The following ADAM9 variants were observed in gnomAD, a reference collection of about 807,000 sequenced individuals.
ADAM9 encodes ADAM metallopeptidase domain 9.
In ADAM9, 54 loss-of-function variants were observed where a neutral mutation model predicts 108.1. The ratio of observed to expected loss-of-function variants is 0.50; its 90% CI spans 0.40 to 0.63. ADAM9 has a LOEUF of 0.63. ADAM9 is among the 20% of genes least tolerant of loss of function. The probability of loss-of-function intolerance (pLI) is 0.00; values close to 1 mark genes in which losing one functional copy is unlikely to be tolerated. For synonymous variants in ADAM9, 316 were observed against 336.0 expected (o/e 0.94, Z 0.65); for missense variants, 830 against 997.7 (o/e 0.83, Z 2.26).
intron 2 of ADAM9, among the ~76,000 whole-genome samples, chr8:39,009,862 G>T (rs1235351780): frequency 7.8e-6 from 1 of 127,980 alleles, no homozygotes; most frequent in African/African-American, 3.0e-5. Context: ...CATGAATGCA[G>T]TCTTGTATTC....
rs906110331 is a variant in ADAM9 at position 39,101,789 on chromosome 8, G to A, written c.2299-74G>A. The A allele has an allele frequency of 3.4e-6, 4 of 1,169,042 alleles. No homozygotes were observed. In the Middle Eastern group the frequency reaches 5.9e-4, roughly 171 times the overall value. The allele number at this position is 1,169,042 out of a possible 1,614,324, so 72.4% of individuals were successfully genotyped here. A position where few individuals can be genotyped will look rare whatever the true frequency, so the allele number is the denominator to read the frequency against. On this transcript the variant is annotated intron_variant, in intron 20 of 21. Coordinates refer to ENST00000487273, the MANE Select transcript of ADAM9 (RefSeq NM_003816.3). ...TAGTCTGTTTATTGATTTTAAATAT[G>A]TAGATTTCTTCTATTTAGAAATCAT... is the stretch of plus-strand genomic sequence containing the variant.
chr8:39,002,708 A>G (rs1029251571), intron 1 of ADAM9, among the ~76,000 whole-genome samples: 2 of 152,232 alleles, frequency 1.3e-5, no homozygotes, highest in African/African-American at 4.8e-5. Flanking sequence ...AAAACACACT[A>G]CAGTGTATAG....
In ADAM9 at chr8:39,103,726, G is replaced by T; in HGVS notation, c.*26G>T. ...TTTTTTTAACCTTCTTTTTGCAAAT[G>T]TCTTCAGGGAACTGAGCTAATACTT... On this transcript the variant is annotated 3_prime_UTR_variant, in exon 22 of 22. Coordinates refer to ENST00000487273, the MANE Select transcript of ADAM9 (RefSeq NM_003816.3). 6.3e-7 allele frequency: 1 copy of T among 1,595,708 alleles called. No individual in the cohort carries two copies. The highest frequency in any genetic ancestry group is 8.6e-7 in the Non-Finnish European group (1 of 1,163,884).
At position 39,018,887 on chromosome 8, in the gene ADAM9, T is replaced by C; in HGVS notation, c.641T>C (p.Val214Ala). The change falls in exon 7 of 22, where the codon GTG (valine) becomes GCG (alanine). Residue 214 changes from valine (V) to alanine (A), a missense_variant. Physicochemically the swap from Val to Ala is moderately conservative, Grantham distance 64. Coordinates refer to ENST00000487273, the MANE Select transcript of ADAM9 (RefSeq NM_003816.3). ...RRAVLPQTRY[V>A]ELFIVVDKER... is the part of the protein sequence containing the mutation. ...GCTGTCTTGCCACAGACCCGGTATGTGGAGCTGTTCATTGTCGTAGACAAG... is the reference window on the plus strand; with the variant it reads ...GCTGTCTTGCCACAGACCCGGTATGCGGAGCTGTTCATTGTCGTAGACAAG... The C allele has an allele frequency of 6.2e-7, 1 of 1,613,568 alleles. No individual in the cohort carries two copies. Among genetic ancestry groups the C allele is most frequent in the Admixed American group, 1.7e-5 (1 of 60,024 alleles).
chr8:39,053,356 G>C (rs751132355), intron 12 of ADAM9, among the ~76,000 whole-genome samples: 17 of 151,944 alleles, frequency 1.1e-4, no homozygotes, highest in Middle Eastern at 3.2e-3. Context: ...TAATTTTATC[G>C]GTTGTTCTTT....
intron 15 of ADAM9, among the ~76,000 whole-genome samples, chr8:39,074,475 A>T (rs1396568327): frequency 3.9e-5 from 6 of 152,260 alleles, no homozygotes. Context: ...ATTTTGCTGA[A>T]CCATTTTAAG....
At chr8:39,061,481 G>C (rs1023491874) in intron 14 of ADAM9, among the ~76,000 whole-genome samples, 1 of 152,162 alleles carries the variant, frequency 6.6e-6, no homozygotes, top group Non-Finnish European at 1.5e-5. Flanking sequence ...AATTATTTCA[G>C]ATATAGGGTT....
Position 39,028,030 on chromosome 8 carries a change from G to A in ADAM9, c.1130+1220G>A, listed in dbSNP as rs538477885. Among the ~76,000 whole-genome samples the A allele has an allele frequency of 5.4e-4, 83 of 152,316 alleles. 1 individual carries two copies. The Middle Eastern group carries it at 0.01, about 19-fold the overall frequency. On this transcript the variant is annotated intron_variant, in intron 11 of 21. Transcript: ENST00000487273. ...TTGAGCCCAGGAGTTCAAGGCTGCAGTGAGCTATGATTGTGCCACTGCACT... is the reference window on the plus strand; with the variant it reads ...TTGAGCCCAGGAGTTCAAGGCTGCAATGAGCTATGATTGTGCCACTGCACT...
chr8:39,034,113 GAACT>G (rs1837192901), intron 11 of ADAM9, among the ~76,000 whole-genome samples: 1 of 152,084 alleles, frequency 6.6e-6, no homozygotes, highest in African/African-American at 2.4e-5. Context: ...GGCTGGTTTT[GAACT>G]CCTAGGCCTA....
At chr8:39,014,542 T>G in intron 4 of ADAM9, 1 of 702,706 alleles carries the variant, frequency 1.4e-6, no homozygotes, top group Non-Finnish European at 2.6e-6. Context: ...GGGACAGAGC[T>G]GGCCAGAATA....
chr8:39,065,202 GT>G (rs201018664), intron 14 of ADAM9, among the ~76,000 whole-genome samples: 1 of 135,108 alleles, frequency 7.4e-6, no homozygotes, highest in Admixed American at 7.1e-5. Flanking sequence ...TTTTATCTGT[GT>G]TTTTTTTTGT....
intron 4 of ADAM9, chr8:39,014,384 T>A: frequency 1.8e-6 from 1 of 554,896 alleles, no homozygotes; most frequent in South Asian, 2.7e-5. Context: ...AAAGTGCACT[T>A]ATTAAAACAT....
rs1836937757 is a variant in ADAM9, at chr8:39,026,806, G to C, written c.1126G>C (p.Ala376Pro). ...GAKSCIMNSG[A>P]SGSRNFSSCS... ...AAAGAGCTGCATCATGAATTCAGGA[G>C]CATCGTGAGTACCTGGGTTCTTCTT... The change falls in exon 11 of 22, where the codon GCA (alanine) becomes CCA (proline). Residue 376 changes from alanine to proline, a missense_variant. Physicochemically the swap from Ala to Pro is conservative, Grantham distance 27 (BLOSUM62 -1). Transcript: ENST00000487273. 1.3e-6 allele frequency: 2 copies of C among 1,572,494 alleles called. No individual in the cohort carries two copies. Among genetic ancestry groups the C allele is most frequent in the Non-Finnish European group, 1.7e-6 (2 of 1,166,566 alleles).
intron 7 of ADAM9, 75 bp downstream of exon 7, chr8:39,018,993 A>G: frequency 1.5e-6 from 2 of 1,316,402 alleles, no homozygotes; most frequent in Non-Finnish European, 2.2e-6. Flanking sequence ...AGGAAATCTA[A>G]ACTACACATT....
At position 39,023,010 on chromosome 8, in the gene ADAM9, G is replaced by A. The variant is rs200536981; in HGVS notation, c.745-146G>A. 5.1e-5 allele frequency: 37 copies of A among 727,626 alleles called. 1 individual carries two copies. Among genetic ancestry groups the A allele is most frequent in the East Asian group, 3.1e-4 (11 of 35,156 alleles). The allele number at this position is 727,626 out of a possible 1,614,324, so 45.1% of individuals were successfully genotyped here. ...TTACAGGCGTGAGCCACTGCGCCCC[G>A]CCCAAAGTCTCATTGTATTAAAGGA... On this transcript the variant is annotated intron_variant, in intron 8 of 21. Coordinates refer to ENST00000487273, the MANE Select transcript of ADAM9 (RefSeq NM_003816.3).
intron 1 of ADAM9, among the ~76,000 whole-genome samples, chr8:38,997,812 T>C (rs1296937862): frequency 6.6e-6 from 1 of 152,240 alleles, no homozygotes; most frequent in East Asian, 1.9e-4. Context: ...AAATCTGTGT[T>C]TTTATTGGGT....
At chr8:39,055,023 A>T (rs1227479664) in intron 13 of ADAM9, among the ~76,000 whole-genome samples, 3 of 152,102 alleles carry the variant, frequency 2.0e-5, no homozygotes, top group Non-Finnish European at 4.4e-5. Flanking sequence ...TCAATATGAC[A>T]CCATGGACTT....
chr8:39,037,284 C>T (rs904175368), intron 11 of ADAM9, among the ~76,000 whole-genome samples: 3 of 149,262 alleles, frequency 2.0e-5, no homozygotes, highest in African/African-American at 4.9e-5. Flanking sequence ...CTCCTGACCT[C>T]GTGATCCACC....
chr8:39,064,377 AG>A (rs1172574809), intron 14 of ADAM9, among the ~76,000 whole-genome samples: 1 of 152,254 alleles, frequency 6.6e-6, no homozygotes, highest in Non-Finnish European at 1.5e-5. Flanking sequence ...AATCTGAATT[AG>A]TTAGACTGCA....
Sources: allele counts gnomAD v4.1 joint callset (sites outside exome capture counted in the v4.1 genomes callset), GRCh38; gene constraint gnomAD v4.1.1; transcripts MANE v1.5; gene names NCBI Gene and HGNC (gene_info 2026-07-23, HGNC 2026-07-21).